DYNC1H1: variants seen among roughly 807,000 people sequenced by gnomAD.
DYNC1H1 encodes cytoplasmic dynein 1 heavy chain 1.
A neutral mutation model predicts 527.1 loss-of-function variants in DYNC1H1; 51 were observed. The ratio of observed to expected loss-of-function variants is 0.10; its 90% CI spans 0.08 to 0.12. The LOEUF is 0.12. DYNC1H1 is among the 10% of genes least tolerant of loss of function. The pLI, the probability that DYNC1H1 is intolerant of heterozygous loss-of-function variation, is 1.00. For missense variants in DYNC1H1, 2,771 were observed against 5,971.8 expected, an observed-to-expected ratio of 0.46 and a Z score of 17.66; for synonymous variants, 2,189 against 2,278.8, an observed-to-expected ratio of 0.96 and a Z score of 1.12.
At chr14:101,999,968 C>G (rs1466480432) in intron 16 of DYNC1H1, 21 bp from the exon 17 acceptor site, 2 of 1,613,970 alleles carry the variant, frequency 1.2e-6, no homozygotes, top group Non-Finnish European at 1.7e-6. Flanking sequence ...CTCCAATTCT[C>G]TGTGCTCTGA....
At chr14:102,004,478 A>C (rs2048174128) in intron 23 of DYNC1H1, 40 bp from the exon 24 acceptor site, 1 of 1,578,550 alleles carries the variant, frequency 6.3e-7, no homozygotes, top group Admixed American at 1.8e-5. Flanking sequence ...TTATATGTGT[A>C]TATAATATTT....
At chr14:101,974,037 A>G (rs537418969) in intron 1 of DYNC1H1, among the ~76,000 whole-genome samples, 1 of 152,224 alleles carries the variant, frequency 6.6e-6, no homozygotes, top group African/African-American at 2.4e-5. Context: ...GACTTTCTCA[A>G]GGTCACATAT....
At chr14:102,048,404 A>C in intron 73 of DYNC1H1, 112 bp from the exon 74 acceptor site, 1 of 1,423,572 alleles carries the variant, frequency 7.0e-7, no homozygotes, top group Non-Finnish European at 9.7e-7. Context: ...GTGACCCTGG[A>C]CAGTTCGGAA....
chr14:102,032,542 C>A (rs2048521137), intron 52 of DYNC1H1, 75 bp downstream of exon 52: 1 of 1,583,246 alleles, frequency 6.3e-7, no homozygotes, highest in Non-Finnish European at 8.6e-7. Context: ...TGGCTCACGC[C>A]TCCAATCCCA....
chr14:101,972,574 A>G (rs924354239), intron 1 of DYNC1H1, among the ~76,000 whole-genome samples: 4 of 152,218 alleles, frequency 2.6e-5, no homozygotes, highest in Admixed American at 2.0e-4. Context: ...CTCACCACAC[A>G]GCGGTGACTC....
At chr14:102,006,892 A>T in intron 27 of DYNC1H1, 116 bp from the exon 28 acceptor site, 2 of 1,111,526 alleles carry the variant, frequency 1.8e-6, no homozygotes, top group Non-Finnish European at 2.7e-6. Context: ...GAGCCACCCT[A>T]CCTGGCCACT....
rs1272679803 is a variant in DYNC1H1 at position 102,005,031 on chromosome 14, G to T, written c.5239-11G>T. 6.2e-7 allele frequency: 1 copy of T among 1,614,228 alleles called. No homozygotes were observed. The highest frequency in any genetic ancestry group is 1.1e-5 in the South Asian group (1 of 91,086). Reference sequence around the variant, plus strand: ...AATGATCCTTTGGGATCTTGTTTCTGTGTCTTTCAGGCCCAGCTTGTGGTT... The same window carrying T: ...AATGATCCTTTGGGATCTTGTTTCTTTGTCTTTCAGGCCCAGCTTGTGGTT... On this transcript the variant is annotated splice_polypyrimidine_tract_variant and intron_variant, in intron 25 of 77. Coordinates refer to ENST00000360184, the MANE Select transcript of DYNC1H1 (RefSeq NM_001376.5). The surrounding 1 kb of genome is among the most constrained non-coding windows in gnomAD (Gnocchi z 4.0).
chr14:102,044,282 G>A lies in DYNC1H1; in HGVS notation c.12693G>A (p.Gln4231=). ...TGCTTTTCCTCCCCCAGGGCAGGCA[G>A]AACATCTCACCGGATAAGATCCCGT... ...TWLDDTAKGR[Q]NISPDKIPWS... The change falls in exon 71 of 78, where the codon CAG becomes CAA. Residue 4231 remains glutamine (Q), a synonymous_variant. Coordinates refer to ENST00000360184, the MANE Select transcript of DYNC1H1 (RefSeq NM_001376.5). This position sits in a 1 kb window ranked among gnomAD's most constrained non-coding sequence, Gnocchi z 7.1. The A allele has an allele frequency of 6.2e-7, 1 of 1,614,052 alleles. No individual in the cohort carries two copies. Among genetic ancestry groups the A allele is most frequent in the South Asian group, 1.1e-5 (1 of 91,060 alleles).
intron 1 of DYNC1H1, among the ~76,000 whole-genome samples, chr14:101,966,990 A>G (rs2047675231): frequency 6.6e-6 from 1 of 152,210 alleles, no homozygotes; most frequent in African/African-American, 2.4e-5. Context: ...GAGACTATCT[A>G]AAATTGAAAT....
At position 102,044,221 on chromosome 14, in the gene DYNC1H1, C is replaced by G; in HGVS notation, c.12685-53C>G. 1 of 1,607,594 alleles carries G rather than the reference C, an allele frequency of 6.2e-7. No homozygotes were observed. Among genetic ancestry groups the G allele is most frequent in the Non-Finnish European group, 8.5e-7 (1 of 1,177,752 alleles). On this transcript the variant is annotated intron_variant, in intron 70 of 77. Transcript: ENST00000360184. The surrounding 1 kb of genome is among the most constrained non-coding windows in gnomAD (Gnocchi z 7.1). ...AAGCTGTGCCCCTCGAAAGGAAGCC[C>G]CGGGCCTGCCCGCCTCTGACCACAC...
chr14:101,983,674 T>C lies in DYNC1H1; in HGVS notation c.1461+65T>C, dbSNP rs2047894038. On this transcript the variant is annotated intron_variant, in intron 7 of 77. Transcript: ENST00000360184. The surrounding 1 kb of genome is among the most constrained non-coding windows in gnomAD (Gnocchi z 5.3). ...TTTTGTTTTGTTTTTTGTTTGGTGT[T>C]TTTTTTTTGTTGTTGTTGTTGAGAT... 3 of 1,517,908 alleles carry C rather than the reference T, an allele frequency of 2.0e-6. No individual in the cohort carries two copies. Among genetic ancestry groups the C allele is most frequent in the African/African-American group, 2.8e-5 (2 of 70,690 alleles). 94.0% of individuals were successfully genotyped at this position (1,517,908 alleles called of 1,614,324 possible).
In DYNC1H1 at chr14:101,979,562, CTTGGGAA is replaced by C; in HGVS notation, c.518+77_518+83del. On this transcript the variant is annotated intron_variant, in intron 3 of 77. Coordinates refer to ENST00000360184, the MANE Select transcript of DYNC1H1 (RefSeq NM_001376.5). This position sits in a 1 kb window ranked among gnomAD's most constrained non-coding sequence, Gnocchi z 4.6. ...AGATAGTATAGAACTCGGTGTAAAA[CTTGGGAA>C]TTGGGAGGGTAACGCTAGTGAGCCG... The C allele has an allele frequency of 6.2e-7, 1 of 1,610,776 alleles. No homozygotes were observed. Among genetic ancestry groups the C allele is most frequent in the Non-Finnish European group, 8.5e-7 (1 of 1,177,944 alleles).
intron 29 of DYNC1H1, among the ~76,000 whole-genome samples, chr14:102,008,739 G>A (rs533985802): frequency 1.4e-4 from 22 of 152,198 alleles, no homozygotes; most frequent in Non-Finnish European, 2.6e-4. Context: ...AGTGAACTGA[G>A]ATCATGCCAC....
chr14:102,002,903 G>A lies in DYNC1H1; in HGVS notation c.4821G>A (p.Leu1607=). Residue 1607 remains leucine (L), a synonymous_variant, in exon 23 of 78, where the codon CTG becomes CTA. Coordinates refer to ENST00000360184, the MANE Select transcript of DYNC1H1 (RefSeq NM_001376.5). This position sits in a 1 kb window ranked among gnomAD's most constrained non-coding sequence, Gnocchi z 4.4. ...GGTCTCTGGAAAGATTGGCAGACCT[G>A]CTAGGAAAGATCCAGAAAGCATTGG... is the stretch of plus-strand genomic sequence containing the variant. The part of the protein sequence containing the change: ...VQRSLERLAD[L]LGKIQKALGE... 6.2e-7 allele frequency: 1 copy of A among 1,614,204 alleles called. No individual in the cohort carries two copies. The highest frequency in any genetic ancestry group is 8.5e-7 in the Non-Finnish European group (1 of 1,180,034).
chr14:101,993,385 C>A (rs959837352), intron 11 of DYNC1H1, among the ~76,000 whole-genome samples: 3 of 152,150 alleles, frequency 2.0e-5, no homozygotes, highest in African/African-American at 7.2e-5. Context: ...AATCCTGACA[C>A]TCTTTTCGGA....
At chr14:101,987,692 C>T in intron 9 of DYNC1H1, 60 bp downstream of exon 9, 1 of 1,588,196 alleles carries the variant, frequency 6.3e-7, no homozygotes. Flanking sequence ...CTCCAGTAAG[C>T]TTATTAGTTT....
Position 102,015,975 on chromosome 14 carries a change from C to T in DYNC1H1, c.7362C>T (p.Cys2454=). The T allele has an allele frequency of 6.2e-7, 1 of 1,614,082 alleles. No individual in the cohort carries two copies. Among genetic ancestry groups the T allele is most frequent in the Non-Finnish European group, 8.5e-7 (1 of 1,180,028 alleles). ...TCATGGACCTAACACGCCTGCGCTGCCTGGGCTCGCTCTTCTCCATGCTGC... is the reference window on the plus strand; with the variant it reads ...TCATGGACCTAACACGCCTGCGCTGTCTGGGCTCGCTCTTCTCCATGCTGC... ...EHIMDLTRLR[C]LGSLFSMLHQ... Residue 2454 remains cysteine (C), a synonymous_variant, in exon 36 of 78, where the codon TGC becomes TGT. Coordinates refer to ENST00000360184, the MANE Select transcript of DYNC1H1 (RefSeq NM_001376.5). This position sits in a 1 kb window ranked among gnomAD's most constrained non-coding sequence, Gnocchi z 6.9.
In DYNC1H1 at chr14:102,027,876, T is replaced by A; in HGVS notation, c.9263+43T>A. On this transcript the variant is annotated intron_variant, in intron 47 of 77. Transcript: ENST00000360184. This position sits in a 1 kb window ranked among gnomAD's most constrained non-coding sequence, Gnocchi z 7.7. ...TGGCTCTGGGTCAGGAAAGTCGGTG[T>A]CCTTCCAAGGGACAAAGCCTGCCCC... is the stretch of plus-strand genomic sequence containing the variant. 1 of 1,614,142 alleles carries A rather than the reference T, an allele frequency of 6.2e-7. No homozygotes were observed. The highest frequency in any genetic ancestry group is 8.5e-7 in the Non-Finnish European group (1 of 1,180,018).
At position 102,049,329 on chromosome 14, in the gene DYNC1H1, G is replaced by T; in HGVS notation, c.13373-111G>T. The T allele has an allele frequency of 1.3e-6, 2 of 1,527,458 alleles. No individual in the cohort carries two copies. The highest frequency in any genetic ancestry group is 2.7e-5 in the African/African-American group (2 of 73,490). 94.6% of individuals were successfully genotyped at this position (1,527,458 alleles called of 1,614,324 possible). ...CCTGGGAAAGGCAGTAGGTGGAGCC[G>T]CCAGCCGCCTGTGTGGGCAGCCAGG... On this transcript the variant is annotated intron_variant, in intron 74 of 77. Transcript: ENST00000360184. This position sits in a 1 kb window ranked among gnomAD's most constrained non-coding sequence, Gnocchi z 5.5.
Sources: allele counts gnomAD v4.1 joint callset (sites outside exome capture counted in the v4.1 genomes callset), GRCh38; gene constraint gnomAD v4.1.1; non-coding constraint Gnocchi (gnomAD v3.1); transcripts MANE v1.5; gene names NCBI Gene and HGNC (gene_info 2026-07-23, HGNC 2026-07-21).